Variants in RAB11FIP3 observed in about 807,000 individuals in gnomAD.
RAB11FIP3 encodes the protein RAB11 family interacting protein 3.
In RAB11FIP3, 17 loss-of-function variants were observed where a neutral mutation model predicts 77.8. The observed-to-expected ratio is 0.22, with a 90% confidence interval of 0.15 to 0.33. The LOEUF (loss-of-function observed/expected upper bound fraction) is 0.33, where lower values mean the gene tolerates loss of function less well. RAB11FIP3 is among the 10% of genes least tolerant of loss of function. RAB11FIP3 has a pLI of 1.00. For missense variants in RAB11FIP3, 1,005 were observed against 1,011.2 expected, an observed-to-expected ratio of 0.99 and a Z score of 0.08; for synonymous variants, 437 against 448.2, an observed-to-expected ratio of 0.98 and a Z score of 0.31.
intron 3 of RAB11FIP3, among the ~76,000 whole-genome samples, chr16:475,505 G>A (rs1463598888): frequency 6.6e-6 from 1 of 152,168 alleles, no homozygotes; most frequent in Admixed American, 6.5e-5. Flanking sequence ...ACCGTGCTCT[G>A]AGGTACATTT....
intron 4 of RAB11FIP3, among the ~76,000 whole-genome samples, chr16:486,214 T>C (rs888321229): frequency 1.3e-5 from 2 of 152,212 alleles, no homozygotes; most frequent in African/African-American, 2.4e-5. Context: ...TTAAGCAGTA[T>C]AACTCTTGGT....
At chr16:463,996 C>T (rs565654912) in intron 2 of RAB11FIP3, among the ~76,000 whole-genome samples, 1 of 152,280 alleles carries the variant, frequency 6.6e-6, no homozygotes, top group East Asian at 1.9e-4. Context: ...ACCCTGACAA[C>T]CAGGTAAAGA....
At chr16:519,705 C>A in intron 10 of RAB11FIP3, 49 bp from the exon 11 acceptor site, 1 of 1,591,936 alleles carries the variant, frequency 6.3e-7, no homozygotes. Flanking sequence ...AAGCTGCATG[C>A]ACAGGTAGGT....
In RAB11FIP3 at chr16:522,044, T is replaced by TGTGTGCGCGCACGTGTGCGTGCGTGC. The variant is rs58290701; in HGVS notation, c.*1205_*1206insGTGTGCGCGCACGTGTGCGTGCGTGC. The TGTGTGCGCGCACGTGTGCGTGCGTGC allele has an allele frequency of 1.3e-5, 2 of 151,732 alleles. No individual in the cohort carries two copies. Among genetic ancestry groups the TGTGTGCGCGCACGTGTGCGTGCGTGC allele is most frequent in the African/African-American group, 4.9e-5 (2 of 41,226 alleles). The allele number at this position is 151,732 out of a possible 1,614,324, so 9.4% of individuals were successfully genotyped here. A position where few individuals can be genotyped will look rare whatever the true frequency, so the allele number is the denominator to read the frequency against. On this transcript the variant is annotated 3_prime_UTR_variant, in exon 14 of 14. Transcript: ENST00000262305. ...CGCTGCGTGTGTGTGCGCGCGCGTG[T>TGTGTGCGCGCACGTGTGCGTGCGTGC]ACGTGTGGCCCCACATCCGCCGCCT... is the stretch of plus-strand genomic sequence containing the variant.
intron 1 of RAB11FIP3, among the ~76,000 whole-genome samples, chr16:453,886 C>T (rs1439958553): frequency 6.6e-6 from 1 of 152,070 alleles, no homozygotes; most frequent in East Asian, 1.9e-4. Context: ...TGAGCCACCA[C>T]ACCCGGCCAA....
intron 2 of RAB11FIP3, among the ~76,000 whole-genome samples, chr16:469,893 C>G (rs1013329969): frequency 6.6e-6 from 1 of 152,158 alleles, no homozygotes; most frequent in Non-Finnish European, 1.5e-5. Flanking sequence ...GTGGTGCAGT[C>G]TTGGCCAACT....
At position 505,736 on chromosome 16, in the gene RAB11FIP3, C is replaced by T. The variant is rs927664243; in HGVS notation, c.1499+109C>T. ...ACACAGCAGGGGCTTGGCCACCCGT[C>T]CATCCCCGTTGGAAGCCGGCTGAGG... On this transcript the variant is annotated intron_variant, in intron 8 of 13. Coordinates refer to ENST00000262305, the MANE Select transcript of RAB11FIP3 (RefSeq NM_014700.4). The surrounding 1 kb of genome is among the most constrained non-coding windows in gnomAD (Gnocchi z 4.0). The T allele has an allele frequency of 1.0e-6, 1 of 973,918 alleles. No homozygotes were observed. The highest frequency in any genetic ancestry group is 1.6e-5 in the African/African-American group (1 of 61,074). 60.3% of individuals were successfully genotyped at this position (973,918 alleles called of 1,614,324 possible).
intron 1 of RAB11FIP3, among the ~76,000 whole-genome samples, chr16:456,622 G>A (rs927933840): frequency 2.0e-5 from 3 of 152,046 alleles, no homozygotes; most frequent in Non-Finnish European, 4.4e-5. Context: ...ATTGGGCATG[G>A]TGGAAGGTAG....
chr16:519,379 C>T (rs1219820360), intron 10 of RAB11FIP3, among the ~76,000 whole-genome samples: 1 of 152,244 alleles, frequency 6.6e-6, no homozygotes, highest in African/African-American at 2.4e-5. Context: ...CTGCCCCCAC[C>T]TCACCAGGTG....
chr16:449,174 C>T (rs1251065173), intron 1 of RAB11FIP3, among the ~76,000 whole-genome samples: 1 of 152,098 alleles, frequency 6.6e-6, no homozygotes, highest in Non-Finnish European at 1.5e-5. Flanking sequence ...TGACACTCCA[C>T]AGGCACACAT....
intron 9 of RAB11FIP3, among the ~76,000 whole-genome samples, chr16:512,773 C>T (rs1382929277): frequency 1.3e-5 from 2 of 151,190 alleles, no homozygotes; most frequent in Non-Finnish European, 2.9e-5. Flanking sequence ...GAACTCCTGA[C>T]CTCAGGTAAT....
intron 1 of RAB11FIP3, among the ~76,000 whole-genome samples, chr16:433,524 A>G (rs1017604388): frequency 2.0e-5 from 3 of 151,738 alleles, no homozygotes; most frequent in Non-Finnish European, 2.9e-5. Context: ...CGTTGCTGCA[A>G]ATGACATGAT....
At chr16:491,611 T>C (rs2141783035) in intron 5 of RAB11FIP3, among the ~76,000 whole-genome samples, 1 of 152,374 alleles carries the variant, frequency 6.6e-6, no homozygotes, top group Non-Finnish European at 1.5e-5. Flanking sequence ...GTTAAAGATT[T>C]AGTCTTTAAG....
In RAB11FIP3 at chr16:502,154, T is replaced by G. The variant is rs2031567662; in HGVS notation, c.1302-850T>G. ...TTTGCTGTTGGCTCTTCTGTGCGAG[T>G]GCTCTGAGAGTTTTCTGTACTCCCG... On this transcript the variant is annotated intron_variant, in intron 6 of 13. Coordinates refer to ENST00000262305, the MANE Select transcript of RAB11FIP3 (RefSeq NM_014700.4). Among the ~76,000 whole-genome samples the G allele has an allele frequency of 2.0e-5, 3 of 152,212 alleles. No individual in the cohort carries two copies. The South Asian group carries it at 6.2e-4, about 32-fold the overall frequency.
At chr16:473,330 T>G (rs2055842247) in intron 3 of RAB11FIP3, among the ~76,000 whole-genome samples, 1 of 152,332 alleles carries the variant, frequency 6.6e-6, no homozygotes, top group East Asian at 1.9e-4. Context: ...GGAAGAAAGT[T>G]TTTTGACTTA....
chr16:463,621 A>G (rs1405988559), intron 2 of RAB11FIP3, among the ~76,000 whole-genome samples: 1 of 151,912 alleles, frequency 6.6e-6, no homozygotes, highest in Non-Finnish European at 1.5e-5. Flanking sequence ...TATTTTTAGT[A>G]GAGACAGGGT....
intron 8 of RAB11FIP3, among the ~76,000 whole-genome samples, chr16:509,159 C>G (rs2032016111): frequency 6.6e-6 from 1 of 152,242 alleles, no homozygotes; most frequent in South Asian, 2.1e-4. Context: ...CCGCCTCTGC[C>G]TCCCAGAGTG....
intron 9 of RAB11FIP3, among the ~76,000 whole-genome samples, chr16:517,959 G>T (rs1033538845): frequency 6.6e-6 from 1 of 152,210 alleles, no homozygotes; most frequent in Admixed American, 6.5e-5. Context: ...GCAGTCGCCT[G>T]TAGTCCCAGC....
chr16:429,278 A>G (rs1178512888), intron 1 of RAB11FIP3, among the ~76,000 whole-genome samples: 1 of 152,104 alleles, frequency 6.6e-6, no homozygotes, highest in African/African-American at 2.4e-5. Flanking sequence ...CATTTCTTCC[A>G]TAAATGCTTC....
Sources: allele counts gnomAD v4.1 joint callset (sites outside exome capture counted in the v4.1 genomes callset), GRCh38; gene constraint gnomAD v4.1.1; non-coding constraint Gnocchi (gnomAD v3.1); transcripts MANE v1.5; gene names NCBI Gene and HGNC (gene_info 2026-07-23, HGNC 2026-07-21).